Variants in IDH1 observed in about 807,000 individuals in gnomAD.
IDH1 encodes the protein isocitrate dehydrogenase [NADP] cytoplasmic.
In IDH1, 33 loss-of-function variants were observed where a neutral mutation model predicts 46.1. The ratio of observed to expected loss-of-function variants is 0.72; its 90% CI spans 0.54 to 0.96. The LOEUF (loss-of-function observed/expected upper bound fraction) is 0.96. Among genes scored for constraint, IDH1 ranks in the 40% least tolerant of loss-of-function variants. The pLI is 0.00. For synonymous variants in IDH1, 144 were observed against 172.8 expected, an observed-to-expected ratio of 0.83 and a Z score of 1.31; for missense variants, 421 against 515.7, an observed-to-expected ratio of 0.82 and a Z score of 1.78.
At chr2:208,251,228 T>C (rs77407764) in intron 3 of IDH1, 2 of 479,768 alleles carry the variant, frequency 4.2e-6, no homozygotes, top group Non-Finnish European at 7.4e-6. Context: ...TTTTTTTTTT[T>C]CCTGTTTCTC....
chr2:208,253,965 A>T lies in IDH1; in HGVS notation c.-90-6T>A, dbSNP rs1336504477. 1 of 152,224 alleles carries T rather than the reference A, an allele frequency of 6.6e-6. No homozygotes were observed. The highest frequency in any genetic ancestry group is 1.5e-5 in the Non-Finnish European group (1 of 68,044). 9.4% of individuals were successfully genotyped at this position (152,224 alleles called of 1,614,324 possible). On this transcript the variant is annotated splice_region_variant and splice_polypyrimidine_tract_variant and intron_variant, in intron 1 of 9. Transcript: ENST00000345146. ...AACTGAATGTAGTTTATCGCCTAAA[A>T]CAAAACAAGGAATAAAAGTGTTAAC...
At chr2:208,238,591 G>A (rs1310389518) in intron 9 of IDH1, among the ~76,000 whole-genome samples, 1 of 152,192 alleles carries the variant, frequency 6.6e-6, no homozygotes, top group Non-Finnish European at 1.5e-5. Flanking sequence ...AACTTGTGCT[G>A]CTCACTTTTC....
chr2:208,242,957 G>C (rs1687948291), intron 6 of IDH1, among the ~76,000 whole-genome samples: 2 of 151,928 alleles, frequency 1.3e-5, no homozygotes, highest in African/African-American at 2.4e-5. Flanking sequence ...GTAGAGTCAG[G>C]GTTTCACCGT....
chr2:208,239,366 C>T lies in IDH1; in HGVS notation c.992-133G>A, dbSNP rs1047463676. ...CTTCTTTAGATACTAACCACATGGG[C>T]TAGAAGTTTTAGGAGAGTTAGAAAT... On this transcript the variant is annotated intron_variant, in intron 8 of 9. Transcript: ENST00000345146. 1.6e-5 allele frequency: 14 copies of T among 869,032 alleles called. No individual in the cohort carries two copies. In the African/African-American group the frequency reaches 1.9e-4, roughly 12 times the overall value. 53.8% of individuals were successfully genotyped at this position (869,032 alleles called of 1,614,324 possible). A position where few individuals can be genotyped will look rare whatever the true frequency, so the allele number is the denominator to read the frequency against.
intron 4 of IDH1, among the ~76,000 whole-genome samples, chr2:208,246,969 G>A (rs184577889): frequency 7.8e-4 from 119 of 152,180 alleles, no homozygotes; most frequent in African/African-American, 2.6e-3. Context: ...AAGGATATAC[G>A]CAGAAAAAAG....
At chr2:208,246,799 C>T (rs1166905328) in intron 4 of IDH1, among the ~76,000 whole-genome samples, 2 of 151,992 alleles carry the variant, frequency 1.3e-5, no homozygotes, top group South Asian at 2.1e-4. Flanking sequence ...AAAAATTAGC[C>T]GGGCATGGTA....
rs1687929226 is a variant in IDH1, at chr2:208,242,070, A to G, written c.774T>C (p.Ala258=). ...AGATGAAGCCTCCCTCTGATTTCAT[A>G]GCTTGGGCCACCATGTCGTCGATGA... ...HRLIDDMVAQ[A]MKSEGGFIWA... The change falls in exon 7 of 10, where the codon GCT becomes GCC. Residue 258 remains alanine (A), a synonymous_variant. Coordinates refer to ENST00000345146, the MANE Select transcript of IDH1 (RefSeq NM_005896.4). The G allele has an allele frequency of 6.2e-7, 1 of 1,613,504 alleles. No homozygotes were observed. The highest frequency in any genetic ancestry group is 8.5e-7 in the Non-Finnish European group (1 of 1,179,862).
chr2:208,246,719 C>T (rs544397853), intron 4 of IDH1, among the ~76,000 whole-genome samples: 3 of 149,964 alleles, frequency 2.0e-5, no homozygotes, highest in East Asian at 2.0e-4. Context: ...CGGAGGCGGG[C>T]GGATCACAAG....
intron 5 of IDH1, 132 bp downstream of exon 5, chr2:208,245,187 G>A (rs78814139): frequency 1.7e-5 from 11 of 638,214 alleles, no homozygotes; most frequent in Non-Finnish European, 2.8e-5. Flanking sequence ...GTCAAGTTTC[G>A]GGTTTTGCAA....
intron 2 of IDH1, among the ~76,000 whole-genome samples, chr2:208,252,108 A>G (rs920047461): frequency 9.2e-5 from 14 of 152,188 alleles, no homozygotes; most frequent in African/African-American, 3.4e-4. Flanking sequence ...AATAAAAATA[A>G]CTAGCCATGA....
chr2:208,239,329 T>G, intron 8 of IDH1, 96 bp from the exon 9 acceptor site: 1 of 1,313,806 alleles, frequency 7.6e-7, no homozygotes, highest in Non-Finnish European at 1.1e-6. Context: ...AGTTTTTTGT[T>G]TAGGTGACAG....
At chr2:208,247,493 T>C (rs3928183) in intron 4 of IDH1, 140,603 of 152,050 alleles carry the variant, frequency 0.92, 65,172 homozygotes, top group East Asian at 0.99. Context: ...TAGGCAGTGG[T>C]GTGATCATAG....
chr2:208,254,792 T>C (rs981289022), intron 1 of IDH1, 147 bp downstream of exon 1: 1 of 152,364 alleles, frequency 6.6e-6, no homozygotes, highest in Non-Finnish European at 1.5e-5. Flanking sequence ...AATACCTGGA[T>C]TTGTTCCCTT....
chr2:208,249,972 GAAGAT>G (rs985930449), intron 3 of IDH1, among the ~76,000 whole-genome samples: 1 of 151,986 alleles, frequency 6.6e-6, no homozygotes, highest in African/African-American at 2.4e-5. Flanking sequence ...ACATTTCTAA[GAAGAT>G]AAGAAAGGAA....
At chr2:208,237,206 T>A (rs1208032390) in intron 9 of IDH1, 37 bp from the exon 10 acceptor site, 2 of 1,089,408 alleles carry the variant, frequency 1.8e-6, no homozygotes, top group Non-Finnish European at 2.8e-6. Flanking sequence ...ATTTAGTTGG[T>A]CTCTGATATG....
chr2:208,253,330 T>C (rs1189310414), intron 2 of IDH1, among the ~76,000 whole-genome samples: 1 of 152,270 alleles, frequency 6.6e-6, no homozygotes, highest in African/African-American at 2.4e-5. Flanking sequence ...ATCTTTTAAC[T>C]AAAACAGTGA....
rs566274421 is a variant in IDH1, at chr2:208,241,373, C to T, written c.850+621G>A. ...CTGAGTGCCAGGGACTATAGGCATG[C>T]GACCACACCTGGCTAATTTTTTTTT... is the stretch of plus-strand genomic sequence containing the variant. On this transcript the variant is annotated intron_variant, in intron 7 of 9. Transcript: ENST00000345146. Among the ~76,000 whole-genome samples, 191 of 148,628 alleles carry T rather than the reference C, an allele frequency of 1.3e-3. 1 individual carries two copies. Among genetic ancestry groups the T allele is most frequent in the African/African-American group, 4.6e-3 (185 of 40,268 alleles).
chr2:208,246,296 A>C (rs1183643834), intron 4 of IDH1, among the ~76,000 whole-genome samples: 1 of 152,212 alleles, frequency 6.6e-6, no homozygotes, highest in Non-Finnish European at 1.5e-5. Context: ...GAATTGAATC[A>C]GATACTTGCA....
rs374900600 is a variant in IDH1 at position 208,242,019 on chromosome 2, G to A, written c.825C>T (p.Asp275=). 9.9e-6 allele frequency: 16 copies of A among 1,612,346 alleles called. No individual in the cohort carries two copies. Among genetic ancestry groups the A allele is most frequent in the East Asian group, 2.2e-5 (1 of 44,886 alleles). Residue 275 remains aspartate, a synonymous_variant, in exon 7 of 10, where the codon GAC becomes GAT. Coordinates refer to ENST00000345146, the MANE Select transcript of IDH1 (RefSeq NM_005896.4). ...CTTGGGCCACAGAGTCCGACTGCAC[G>A]TCACCATCATAGTTTTTACAGGCCC... ...FIWACKNYDG[D]VQSDSVAQGY...
Sources: gnomAD v4.1 joint callset for allele counts (sites outside exome capture counted in the v4.1 genomes callset) on GRCh38, gnomAD v4.1.1 for gene constraint, MANE v1.5 for transcripts, NCBI Gene and HGNC (gene_info 2026-07-23, HGNC 2026-07-21) for gene names.